Variants in TRMT44 observed in about 807,000 individuals in gnomAD.
TRMT44 encodes the protein probable tRNA (uracil-O(2)-)-methyltransferase.
In TRMT44, 78 loss-of-function variants were observed where a neutral mutation model predicts 77.3. The ratio of observed to expected loss-of-function variants is 1.01; its 90% CI spans 0.84 to 1.22. The LOEUF (loss-of-function observed/expected upper bound fraction) is 1.22. TRMT44 is among the 50% of genes most tolerant of loss of function. The pLI, the probability that TRMT44 is intolerant of heterozygous loss-of-function variation, is 0.00. For synonymous variants in TRMT44, 391 were observed against 383.3 expected (o/e 1.02, Z -0.23); for missense variants, 1,090 against 964.4 (o/e 1.13, Z -1.73).
downstream of TRMT44, among the ~76,000 whole-genome samples, chr4:8,495,923 A>G (rs937002812): frequency 2.6e-5 from 4 of 152,148 alleles, no homozygotes; most frequent in African/African-American, 9.7e-5. Flanking sequence ...AACCAATCAG[A>G]CTGGTCGTGG....
intron 10 of TRMT44, among the ~76,000 whole-genome samples, chr4:8,474,669 A>G (rs753857679): frequency 6.6e-6 from 1 of 152,192 alleles, no homozygotes; most frequent in African/African-American, 2.4e-5. Flanking sequence ...AGACTTCCTC[A>G]CTGAGGCTCC....
chr4:8,476,134 A>C lies in TRMT44; in HGVS notation c.*133A>C. ...TCCTCCCAGCTTTCTCCACATCCTCACAGTGATGAACCGTATTTCATAAAC... is the reference window on the plus strand; with the variant it reads ...TCCTCCCAGCTTTCTCCACATCCTCCCAGTGATGAACCGTATTTCATAAAC... On this transcript the variant is annotated 3_prime_UTR_variant, in exon 11 of 11. Transcript: ENST00000389737. 2 of 749,656 alleles carry C rather than the reference A, an allele frequency of 2.7e-6. No individual in the cohort carries two copies. Among genetic ancestry groups the C allele is most frequent in the Non-Finnish European group, 4.3e-6 (2 of 462,470 alleles). The allele number at this position is 749,656 out of a possible 1,614,324, so 46.4% of individuals were successfully genotyped here.
Position 8,468,183 on chromosome 4 carries a change from A to T in TRMT44, c.1764A>T (p.Gly588=). ...GPQAEGPWLP[G]FHPREKAERV... is the part of the protein sequence containing the mutation. ...AGGCTGAAGGACCCTGGCTACCTGGATTTCATCCCAGAGAAAAGGCTGAGC... is the reference window on the plus strand; with the variant it reads ...AGGCTGAAGGACCCTGGCTACCTGGTTTTCATCCCAGAGAAAAGGCTGAGC... Residue 588 remains glycine, a synonymous_variant, in exon 9 of 11, where the codon GGA becomes GGT. Transcript: ENST00000389737. The T allele has an allele frequency of 6.2e-7, 1 of 1,614,162 alleles. No homozygotes were observed.
the TRMT44 span, among the ~76,000 whole-genome samples, chr4:8,516,773 G>A: frequency 6.6e-6 from 1 of 152,130 alleles, no homozygotes; most frequent in African/African-American, 2.4e-5. Context: ...GCAAGACCCT[G>A]TCTCAAAAAA....
At chr4:8,473,542 T>G (rs1347917366) in intron 10 of TRMT44, 1 of 152,346 alleles carries the variant, frequency 6.6e-6, no homozygotes, top group East Asian at 1.9e-4. Context: ...CCTCAACCCG[T>G]TCCTCAGAGC....
intron 9 of TRMT44, among the ~76,000 whole-genome samples, chr4:8,470,114 C>T (rs1461117808): frequency 2.0e-5 from 3 of 152,212 alleles, no homozygotes; most frequent in Non-Finnish European, 2.9e-5. Context: ...GGGCCAGAGC[C>T]GGGGCAACAG....
intron 10 of TRMT44, among the ~76,000 whole-genome samples, 190 bp downstream of exon 10, chr4:8,471,390 C>G (rs985032073): frequency 6.6e-6 from 1 of 152,200 alleles, no homozygotes; most frequent in East Asian, 1.9e-4. Context: ...TCACCCCGTT[C>G]CCTCCTTGCT....
At chr4:8,508,666 C>G in the TRMT44 span, 4 of 152,318 alleles carry the variant, frequency 2.6e-5, no homozygotes, top group African/African-American at 9.6e-5. Flanking sequence ...GCAGATCCCC[C>G]ATGAGTGTGA....
chr4:8,472,765 C>T (rs962629325), intron 10 of TRMT44, among the ~76,000 whole-genome samples: 2 of 152,188 alleles, frequency 1.3e-5, no homozygotes, highest in Admixed American at 1.3e-4. Context: ...GACACTGGGC[C>T]TGCAGTGCTG....
At chr4:8,458,992 A>T (rs1210526266) in intron 6 of TRMT44, among the ~76,000 whole-genome samples, 1 of 151,426 alleles carries the variant, frequency 6.6e-6, no homozygotes, top group Non-Finnish European at 1.5e-5. Context: ...TGAGTCCAGG[A>T]GTGCGAGACC....
At position 8,476,209 on chromosome 4, in the gene TRMT44, C is replaced by G. The variant is rs1727375277; in HGVS notation, c.*208C>G. On this transcript the variant is annotated 3_prime_UTR_variant, in exon 11 of 11. Coordinates refer to ENST00000389737, the MANE Select transcript of TRMT44 (RefSeq NM_152544.3). ...TACTCGGAAGCCCCCAGCTGACTGC[C>G]TGGCTTGTTTCAGATGCAGCCGCTT... 2 of 599,072 alleles carry G rather than the reference C, an allele frequency of 3.3e-6. No homozygotes were observed. Among genetic ancestry groups the G allele is most frequent in the East Asian group, 5.6e-5 (2 of 35,922 alleles). The allele number at this position is 599,072 out of a possible 1,614,324, so 37.1% of individuals were successfully genotyped here.
intron 8 of TRMT44, among the ~76,000 whole-genome samples, chr4:8,465,926 T>A (rs1325766780): frequency 6.6e-6 from 1 of 152,212 alleles, no homozygotes; most frequent in African/African-American, 2.4e-5. Context: ...TTGGCTGCGA[T>A]TGAAGTGTGT....
chr4:8,452,758 T>C lies in TRMT44; in HGVS notation c.1024-124T>C. 2 of 514,744 alleles carry C rather than the reference T, an allele frequency of 3.9e-6. No homozygotes were observed. The highest frequency in any genetic ancestry group is 2.8e-4 in the Middle Eastern group (1 of 3,556). 31.9% of individuals were successfully genotyped at this position (514,744 alleles called of 1,614,324 possible). On this transcript the variant is annotated intron_variant, in intron 4 of 10. Coordinates refer to ENST00000389737, the MANE Select transcript of TRMT44 (RefSeq NM_152544.3). The surrounding 1 kb of genome is among the most constrained non-coding windows in gnomAD (Gnocchi z 5.7). ...TCAAAAAAAGAAAAAAAAAAAAGAA[T>C]GTTTAGTGTAGATGATTTCAAGTTT...
intron 2 of TRMT44, among the ~76,000 whole-genome samples, chr4:8,484,564 TC>T: frequency 6.6e-6 from 1 of 152,152 alleles, no homozygotes; most frequent in Non-Finnish European, 1.5e-5. Context: ...CACGATGCGA[TC>T]CCGGTCCTTG....
downstream of TRMT44, among the ~76,000 whole-genome samples, chr4:8,495,100 C>A (rs1728113714): frequency 6.6e-6 from 1 of 152,226 alleles, no homozygotes; most frequent in Non-Finnish European, 1.5e-5. Context: ...CCATGAGAGT[C>A]CTCAGTCAGG....
Position 8,475,787 on chromosome 4 carries a change from T to C in TRMT44, c.2060T>C (p.Val687Ala). 1 of 1,613,904 alleles carries C rather than the reference T, an allele frequency of 6.2e-7. No homozygotes were observed. The highest frequency in any genetic ancestry group is 1.3e-5 in the African/African-American group (1 of 74,982). The change falls in exon 11 of 11, where the codon GTT (valine) becomes GCT (alanine). Residue 687 changes from valine (V) to alanine (A), a missense_variant. Coordinates refer to ENST00000389737, the MANE Select transcript of TRMT44 (RefSeq NM_152544.3). Reference protein sequence around the residue: ...HQVFQVVNGRVHIRDWREETL... With the variant: ...HQVFQVVNGRAHIRDWREETL... ...CAAACCACAGTTGTGAATGGGAGAG[T>C]TCACATCCGCGACTGGCGAGAGGAG...
chr4:8,463,917 T>C, intron 6 of TRMT44, 68 bp from the exon 7 acceptor site: 2 of 1,342,722 alleles, frequency 1.5e-6, no homozygotes, highest in Non-Finnish European at 1.1e-6. Context: ...CCTCCCGCCA[T>C]GTCCTGCCCA....
At chr4:8,508,833 G>C in the TRMT44 span, 1 of 152,712 alleles carries the variant, frequency 6.5e-6, no homozygotes, top group Non-Finnish European at 1.5e-5. Flanking sequence ...GTCGCTGTCC[G>C]AGCAAATGTC....
chr4:8,502,477 G>T, the TRMT44 span, among the ~76,000 whole-genome samples: 4 of 152,366 alleles, frequency 2.6e-5, no homozygotes, highest in South Asian at 2.1e-4. Context: ...GCTTAGCAAG[G>T]TTCCCTGCTC....
Sources: allele counts gnomAD v4.1 joint callset (sites outside exome capture counted in the v4.1 genomes callset), GRCh38; gene constraint gnomAD v4.1.1; non-coding constraint Gnocchi (gnomAD v3.1); transcripts MANE v1.5; gene names NCBI Gene and HGNC (gene_info 2026-07-23, HGNC 2026-07-21).